PCDHGA7: variants seen among roughly 807,000 people sequenced by gnomAD.
PCDHGA7 encodes protocadherin gamma-A7.
PCDHGA7 carries 44 observed loss-of-function variants against 58.3 expected under a neutral mutation model. The observed-to-expected ratio is 0.75, with a 90% CI of 0.59 to 0.97. PCDHGA7 has a LOEUF of 0.97. PCDHGA7 is among the 50% of genes least tolerant of loss of function. PCDHGA7 has a pLI of 0.00. For synonymous variants in PCDHGA7, 516 were observed against 504.2 expected (o/e 1.02, Z -0.31); for missense variants, 1,266 against 1,188.7 (o/e 1.06, Z -0.96).
At chr5:141,389,508 G>A (rs369319162) in intron 1 of PCDHGA7, 3 of 1,613,090 alleles carry the variant, frequency 1.9e-6, no homozygotes, top group Non-Finnish European at 2.5e-6. Flanking sequence ...AGCGCTCAGC[G>A]CGAACGTGAG....
rs774858191 is a variant in PCDHGA7 at position 141,413,689 on chromosome 5, C to T, written c.2424+28366C>T. On this transcript the variant is annotated intron_variant, in intron 1 of 3. Transcript: ENST00000518325. Reference sequence around the variant, plus strand: ...TCCGGATGTGGGCGTGAACTCCCTGCAGAGCTATCAGCTCAGCCCCAATAA... The same window carrying T: ...TCCGGATGTGGGCGTGAACTCCCTGTAGAGCTATCAGCTCAGCCCCAATAA... 6 of 1,613,800 alleles carry T rather than the reference C, an allele frequency of 3.7e-6. No individual in the cohort carries two copies. The Admixed American group carries it at 5.0e-5, about 13-fold the overall frequency.
In PCDHGA7 at chr5:141,415,739, G is replaced by GTTTT; in HGVS notation, c.2424+30416_2424+30417insTTTT. On this transcript the variant is annotated intron_variant, in intron 1 of 3. Transcript: ENST00000518325. The stretch of plus-strand genomic sequence containing the variant: ...ATGAGTAGAATTTGATGTTTATTAA[G>GTTTT]GTTTTTTTTTTTTTTTTTTTTTTTT... 9.2e-6 allele frequency: 4 copies of GTTTT among 434,946 alleles called. No homozygotes were observed. In the African/African-American group the frequency reaches 1.3e-4, roughly 14 times the overall value. 26.9% of individuals were successfully genotyped at this position (434,946 alleles called of 1,614,324 possible).
At chr5:141,462,459 C>T (rs190781980) in intron 1 of PCDHGA7, among the ~76,000 whole-genome samples, 11 of 152,128 alleles carry the variant, frequency 7.2e-5, no homozygotes, top group Admixed American at 2.6e-4. Flanking sequence ...TAACTGAAAA[C>T]TGTGTATTCT....
At chr5:141,482,048 G>T (rs375214441) in intron 1 of PCDHGA7, among the ~76,000 whole-genome samples, 12 of 150,156 alleles carry the variant, frequency 8.0e-5, no homozygotes, top group Middle Eastern at 6.9e-3. Flanking sequence ...TCATGCTGTT[G>T]CATTCCAGCC....
rs1438257730 is a variant in PCDHGA7, at chr5:141,477,587, C to G, written c.2425-17220C>G. 4.3e-6 allele frequency: 7 copies of G among 1,614,094 alleles called. 1 individual carries two copies. In the South Asian group the frequency reaches 7.7e-5, roughly 18 times the overall value. ...GGACCCCGACGCCCCGCAGAATGCT[C>G]GGCTTTCTTTCTTTCTCTTGGAGCA... On this transcript the variant is annotated intron_variant, in intron 1 of 3. Transcript: ENST00000518325. The surrounding 1 kb of genome is among the most constrained non-coding windows in gnomAD (Gnocchi z 4.9).
chr5:141,428,446 T>C lies in PCDHGA7; in HGVS notation c.2424+43123T>C, dbSNP rs575475897. On this transcript the variant is annotated intron_variant, in intron 1 of 3. Coordinates refer to ENST00000518325, the MANE Select transcript of PCDHGA7 (RefSeq NM_018920.4). The stretch of plus-strand genomic sequence containing the variant: ...CTGTTCTAAGACTAGACCAGGGGTT[T>C]TTCCCAACTACAATGAGGGAACTTT... 4.2e-5 allele frequency: 16 copies of C among 378,218 alleles called. No homozygotes were observed. The East Asian group carries it at 8.8e-4, about 21-fold the overall frequency. 23.4% of individuals were successfully genotyped at this position (378,218 alleles called of 1,614,324 possible). A position where few individuals can be genotyped will look rare whatever the true frequency, so the allele number is the denominator to read the frequency against.
At position 141,432,325 on chromosome 5, in the gene PCDHGA7, C is replaced by T. The variant is rs752180978; in HGVS notation, c.2424+47002C>T. ...TGTATGCGCTGAGCTCCTTCGACTACGAGCAGTTCCGAGACTTGCAAGTGA... is the reference window on the plus strand; with the variant it reads ...TGTATGCGCTGAGCTCCTTCGACTATGAGCAGTTCCGAGACTTGCAAGTGA... On this transcript the variant is annotated intron_variant, in intron 1 of 3. Coordinates refer to ENST00000518325, the MANE Select transcript of PCDHGA7 (RefSeq NM_018920.4). The surrounding 1 kb of genome is among the most constrained non-coding windows in gnomAD (Gnocchi z 6.0). 68 of 1,614,142 alleles carry T rather than the reference C, an allele frequency of 4.2e-5. No individual in the cohort carries two copies. Among genetic ancestry groups the T allele is most frequent in the Non-Finnish European group, 5.2e-5 (61 of 1,180,050 alleles).
At chr5:141,410,625 G>A (rs202058499) in intron 1 of PCDHGA7, 1 of 1,602,442 alleles carries the variant, frequency 6.2e-7, no homozygotes, top group Non-Finnish European at 8.5e-7. Flanking sequence ...ACTTCGGTGA[G>A]TTTCTCTTTT....
chr5:141,420,394 C>A, intron 1 of PCDHGA7: 2 of 1,260,296 alleles, frequency 1.6e-6, no homozygotes, highest in Non-Finnish European at 2.1e-6. Flanking sequence ...AAATATAGGT[C>A]AAATTTATGG....
intron 1 of PCDHGA7, chr5:141,389,455 G>A (rs1345301697): frequency 6.2e-7 from 1 of 1,613,044 alleles, no homozygotes; most frequent in Admixed American, 1.7e-5. Context: ...GAGCAGCTGC[G>A]CGCCTTCGAA....
At chr5:141,404,784 C>T (rs780341962) in intron 1 of PCDHGA7, 2 of 1,613,832 alleles carry the variant, frequency 1.2e-6, no homozygotes, top group Non-Finnish European at 1.7e-6. Flanking sequence ...CTATTCAAGG[C>T]CAGTGAGCCA....
intron 1 of PCDHGA7, chr5:141,409,991 G>A: frequency 6.2e-6 from 10 of 1,613,320 alleles, no homozygotes; most frequent in Non-Finnish European, 7.6e-6. Flanking sequence ...GGTGGACGCC[G>A]ACTCGGGACA....
chr5:141,462,122 C>T (rs1437400069), intron 1 of PCDHGA7, among the ~76,000 whole-genome samples: 1 of 152,044 alleles, frequency 6.6e-6, no homozygotes, highest in South Asian at 2.1e-4. Context: ...TGCACCCAGT[C>T]CAATTTTTTG....
intron 2 of PCDHGA7, among the ~76,000 whole-genome samples, chr5:141,497,293 C>T (rs1270907262): frequency 6.6e-6 from 1 of 152,136 alleles, no homozygotes. Flanking sequence ...TACCTACCAC[C>T]ACCCCAGGCC....
chr5:141,441,162 G>A (rs1009205566), intron 1 of PCDHGA7: 48 of 152,166 alleles, frequency 3.2e-4, no homozygotes, highest in Admixed American at 1.5e-3. Flanking sequence ...TCCTAGAGGC[G>A]ATTTTTACTT....
chr5:141,408,337 G>T (rs1191967573), intron 1 of PCDHGA7: 3 of 1,613,954 alleles, frequency 1.9e-6, no homozygotes, highest in Non-Finnish European at 2.5e-6. Context: ...CCAAGGGCTC[G>T]GTGGTGGGGA....
chr5:141,448,135 TA>T (rs2098567569), intron 1 of PCDHGA7, among the ~76,000 whole-genome samples: 1 of 151,880 alleles, frequency 6.6e-6, no homozygotes, highest in South Asian at 2.1e-4. Flanking sequence ...CCACCCTCAC[TA>T]TACCTCAGAC....
intron 1 of PCDHGA7, among the ~76,000 whole-genome samples, chr5:141,457,687 G>A (rs2098927754): frequency 6.6e-6 from 1 of 152,198 alleles, no homozygotes; most frequent in Admixed American, 6.5e-5. Context: ...TAGGACTTTT[G>A]GATTGGCTTT....
rs770930842 is a variant in PCDHGA7 at position 141,432,673 on chromosome 5, C to G, written c.2424+47350C>G. 10 of 1,613,804 alleles carry G rather than the reference C, an allele frequency of 6.2e-6. No homozygotes were observed. The East Asian group carries it at 1.3e-4, about 22-fold the overall frequency. ...GAGCCCTGCTGGACAGAGACGCGCT[C>G]AAGCAGAGCCTCGTAGTGGCCGTCC... is the stretch of plus-strand genomic sequence containing the variant. On this transcript the variant is annotated intron_variant, in intron 1 of 3. Transcript: ENST00000518325. The surrounding 1 kb of genome is among the most constrained non-coding windows in gnomAD (Gnocchi z 6.0).
Sources: allele counts gnomAD v4.1 joint callset (sites outside exome capture counted in the v4.1 genomes callset), GRCh38; gene constraint gnomAD v4.1.1; non-coding constraint Gnocchi (gnomAD v3.1); transcripts MANE v1.5; gene names NCBI Gene and HGNC (gene_info 2026-07-23, HGNC 2026-07-21).